Variants in TMEM135 observed in about 807,000 individuals in gnomAD.
TMEM135 encodes the protein transmembrane protein 135.
A neutral mutation model predicts 60.3 loss-of-function variants in TMEM135; 30 were observed. The ratio of observed to expected loss-of-function variants is 0.50; its 90% CI spans 0.37 to 0.68. The LOEUF is 0.68. Among genes scored for constraint, TMEM135 ranks in the 30% least tolerant of loss-of-function variants. The probability of loss-of-function intolerance (pLI) is 0.00; values close to 1 mark genes in which losing one functional copy is unlikely to be tolerated. For missense variants in TMEM135, 468 were observed against 548.8 expected, an observed-to-expected ratio of 0.85 and a Z score of 1.47; for synonymous variants, 190 against 186.7, an observed-to-expected ratio of 1.02 and a Z score of -0.14.
At chr11:87,280,673 A>G (rs1942045052) in intron 6 of TMEM135, among the ~76,000 whole-genome samples, 1 of 152,184 alleles carries the variant, frequency 6.6e-6, no homozygotes. Context: ...ATAATGTAAT[A>G]TCATTATTTG....
intron 5 of TMEM135, among the ~76,000 whole-genome samples, chr11:87,208,972 T>C (rs554668353): frequency 6.6e-6 from 1 of 152,226 alleles, no homozygotes; most frequent in East Asian, 1.9e-4. Flanking sequence ...CTAAGCTTCA[T>C]AAAGCAAAGG....
intron 6 of TMEM135, among the ~76,000 whole-genome samples, chr11:87,254,293 C>T (rs1941479420): frequency 6.6e-6 from 1 of 152,010 alleles, no homozygotes; most frequent in East Asian, 1.9e-4. Flanking sequence ...AATTTTTAGC[C>T]TTTCAGAGTT....
chr11:87,298,786 C>CAAAAAAAAAA lies in TMEM135; in HGVS notation c.551+2972_551+2981dup, dbSNP rs59740138. ...TGGGTGACAGAGTGAGACTCTGTCT[C>CAAAAAAAAAA]AAAAAAAAAAAAAAAAAACAGCCGG... On this transcript the variant is annotated intron_variant, in intron 7 of 14. Coordinates refer to ENST00000305494, the MANE Select transcript of TMEM135 (RefSeq NM_022918.4). Among the ~76,000 whole-genome samples, 192 of 57,652 alleles carry CAAAAAAAAAA rather than the reference C, an allele frequency of 3.3e-3. 19 individuals are homozygous for CAAAAAAAAAA. Among genetic ancestry groups the CAAAAAAAAAA allele is most frequent in the African/African-American group, 0.012 (159 of 13,098 alleles). 37.8% of individuals were successfully genotyped at this position (57,652 alleles called of 152,430 possible).
chr11:87,105,326 A>G (rs1468029475), intron 4 of TMEM135, among the ~76,000 whole-genome samples: 1 of 152,170 alleles, frequency 6.6e-6, no homozygotes, highest in Non-Finnish European at 1.5e-5. Context: ...CAGCGGCATT[A>G]GATTCTCATA....
chr11:87,211,426 A>C (rs184255757), intron 5 of TMEM135, among the ~76,000 whole-genome samples: 30 of 152,316 alleles, frequency 2.0e-4, no homozygotes, highest in African/African-American at 7.0e-4. Flanking sequence ...GATCCACAGG[A>C]TAAAAAGTAT....
At chr11:87,250,546 G>C (rs1159501503) in intron 6 of TMEM135, among the ~76,000 whole-genome samples, 1 of 151,806 alleles carries the variant, frequency 6.6e-6, no homozygotes, top group Admixed American at 6.6e-5. Context: ...GGTCACTCAG[G>C]AGTGTATTGT....
chr11:87,130,344 A>G (rs1454754685), intron 4 of TMEM135, among the ~76,000 whole-genome samples: 1 of 152,162 alleles, frequency 6.6e-6, no homozygotes, highest in Non-Finnish European at 1.5e-5. Flanking sequence ...ATAGTGAAGG[A>G]CATAAAATTT....
At chr11:87,099,995 C>A (rs898971131) in intron 4 of TMEM135, among the ~76,000 whole-genome samples, 9 of 151,998 alleles carry the variant, frequency 5.9e-5, no homozygotes, top group African/African-American at 2.2e-4. Flanking sequence ...AAGAAACTGT[C>A]AAATGTGTTC....
At chr11:87,057,170 T>G (rs999520556) in intron 1 of TMEM135, among the ~76,000 whole-genome samples, 1 of 152,206 alleles carries the variant, frequency 6.6e-6, no homozygotes, top group Admixed American at 6.5e-5. Context: ...GTTTCAGTAT[T>G]GTAACTTAAG....
At chr11:87,224,554 T>C (rs1440056661) in intron 5 of TMEM135, among the ~76,000 whole-genome samples, 2 of 152,194 alleles carry the variant, frequency 1.3e-5, no homozygotes, top group Non-Finnish European at 2.9e-5. Flanking sequence ...CTGGTTCTTA[T>C]TCTTACTTGA....
intron 14 of TMEM135, among the ~76,000 whole-genome samples, chr11:87,320,703 G>A (rs914809833): frequency 6.6e-6 from 1 of 152,080 alleles, no homozygotes; most frequent in African/African-American, 2.4e-5. Flanking sequence ...AAACCTATAT[G>A]CTGTTTGCCT....
intron 11 of TMEM135, 40 bp from the exon 12 acceptor site, chr11:87,314,430 AC>A (rs748324665): frequency 4.0e-6 from 6 of 1,501,758 alleles, no homozygotes; most frequent in Non-Finnish European, 5.5e-6. Flanking sequence ...ACAAATAAAT[AC>A]TCTGCGATCT....
At chr11:87,239,138 C>T (rs1176945339) in intron 6 of TMEM135, among the ~76,000 whole-genome samples, 1 of 151,938 alleles carries the variant, frequency 6.6e-6, no homozygotes, top group Non-Finnish European at 1.5e-5. Flanking sequence ...AGCTACGGAA[C>T]CTTTTCCTGT....
chr11:87,308,404 T>C (rs1344829232), intron 9 of TMEM135, among the ~76,000 whole-genome samples: 2 of 152,328 alleles, frequency 1.3e-5, no homozygotes, highest in Non-Finnish European at 2.9e-5. Context: ...AGCAAATGCT[T>C]GAGAATTCAC....
chr11:87,220,989 C>T (rs1191587327), intron 5 of TMEM135, among the ~76,000 whole-genome samples: 1 of 152,050 alleles, frequency 6.6e-6, no homozygotes, highest in African/African-American at 2.4e-5. Context: ...AGCTAAACCT[C>T]GTTGCTATGC....
intron 4 of TMEM135, among the ~76,000 whole-genome samples, chr11:87,139,779 A>C (rs1938212742): frequency 6.6e-6 from 1 of 151,948 alleles, no homozygotes; most frequent in Non-Finnish European, 1.5e-5. Context: ...TTTAATTTGC[A>C]TTTTCCTACA....
chr11:87,066,370 ACT>A (rs747778375), intron 1 of TMEM135, among the ~76,000 whole-genome samples: 7 of 152,140 alleles, frequency 4.6e-5, no homozygotes, highest in East Asian at 1.9e-4. Context: ...TATTAAACTG[ACT>A]CTGCTAAAAT....
rs535695815 is a variant in TMEM135, at chr11:87,233,268, G to A, written c.463-3370G>A. ...AGCAAGATGATAGATTTAAACATAA[G>A]GATACCAATAATCACATTAAATGTA... On this transcript the variant is annotated intron_variant, in intron 5 of 14. Coordinates refer to ENST00000305494, the MANE Select transcript of TMEM135 (RefSeq NM_022918.4). Among the ~76,000 whole-genome samples the A allele has an allele frequency of 3.3e-5, 5 of 152,056 alleles. No individual in the cohort carries two copies. The South Asian group carries it at 1.0e-3, about 32-fold the overall frequency.
intron 1 of TMEM135, among the ~76,000 whole-genome samples, chr11:87,043,305 C>T (rs566778750): frequency 1.2e-4 from 18 of 151,954 alleles, no homozygotes; most frequent in Admixed American, 2.0e-4. Context: ...TTGTGATATA[C>T]GGTAACAATG....
Sources: gnomAD v4.1 joint callset for allele counts (sites outside exome capture counted in the v4.1 genomes callset) on GRCh38, gnomAD v4.1.1 for gene constraint, MANE v1.5 for transcripts, NCBI Gene and HGNC (gene_info 2026-07-23, HGNC 2026-07-21) for gene names.